The following HDX variants were observed in gnomAD, a reference collection of about 807,000 sequenced individuals.
HDX encodes the protein chromosome X open reading frame 43.
HDX carries 19 observed loss-of-function variants against 45.2 expected under a neutral mutation model. The ratio of observed to expected loss-of-function variants is 0.42; its 90% CI spans 0.29 to 0.62. The LOEUF (loss-of-function observed/expected upper bound fraction) is 0.62. HDX is among the 20% of genes least tolerant of loss of function. The probability of loss-of-function intolerance (pLI) is 0.20; values close to 1 mark genes in which losing one functional copy is unlikely to be tolerated. For missense variants in HDX, 532 were observed against 493.9 expected (o/e 1.08, Z -0.73); for synonymous variants, 188 against 172.8 (o/e 1.09, Z -0.69).
At chrX:84,457,207 A>G (rs766311411) in intron 4 of HDX, among the ~76,000 whole-genome samples, 1 of 111,617 alleles carries the variant, frequency 9.0e-6, no homozygotes, top group Non-Finnish European at 1.9e-5. Context: ...AAAGTATTTA[A>G]TGGAATGCCA....
intron 9 of HDX, among the ~76,000 whole-genome samples, chrX:84,328,742 T>G (rs995109707): frequency 9.0e-6 from 1 of 111,665 alleles, no homozygotes; most frequent in African/African-American, 3.3e-5. Flanking sequence ...GTGGAGCAAT[T>G]AGAAGTCTCA....
intron 2 of HDX, among the ~76,000 whole-genome samples, chrX:84,478,184 G>A (rs1208375901): frequency 8.9e-6 from 1 of 111,759 alleles, no homozygotes; most frequent in Non-Finnish European, 1.9e-5. Flanking sequence ...AGGCTCTTAA[G>A]TTTATATATC....
At chrX:84,422,783 C>T (rs1331115220) in intron 5 of HDX, among the ~76,000 whole-genome samples, 1 of 104,617 alleles carries the variant, frequency 9.6e-6, no homozygotes, top group Non-Finnish European at 1.9e-5. Context: ...ATTCTCCTGC[C>T]TCAGCCTCCC....
intron 4 of HDX, among the ~76,000 whole-genome samples, chrX:84,460,762 G>C (rs1156609935): frequency 8.9e-6 from 1 of 111,813 alleles, no homozygotes; most frequent in Admixed American, 9.5e-5. Context: ...TTCTTTGTTT[G>C]CAGATGATAT....
At chrX:84,489,550 G>A (rs1371384046) in intron 1 of HDX, among the ~76,000 whole-genome samples, 1 of 111,576 alleles carries the variant, frequency 9.0e-6, no homozygotes, top group Non-Finnish European at 1.9e-5. Context: ...ACCAGTGATA[G>A]ACAAAGGGAA....
At chrX:84,484,267 G>T (rs2040746044) in intron 2 of HDX, among the ~76,000 whole-genome samples, 1 of 111,959 alleles carries the variant, frequency 8.9e-6, no homozygotes, top group Admixed American at 9.5e-5. Context: ...CTGCTATAAA[G>T]AATTGCTTGA....
At chrX:84,420,115 C>A (rs761890851) in intron 5 of HDX, among the ~76,000 whole-genome samples, 7 of 111,681 alleles carry the variant, frequency 6.3e-5, no homozygotes, top group Non-Finnish European at 1.3e-4. Context: ...TCTTTCAATA[C>A]CACCCAGGAA....
intron 5 of HDX, among the ~76,000 whole-genome samples, chrX:84,394,008 A>C (rs1364495965): frequency 9.1e-6 from 1 of 110,156 alleles, no homozygotes; most frequent in Non-Finnish European, 1.9e-5. Flanking sequence ...ATTTCATTGA[A>C]TTGTACTCTT....
At chrX:84,371,623 G>A (rs774357728) in intron 5 of HDX, among the ~76,000 whole-genome samples, 2 of 111,792 alleles carry the variant, frequency 1.8e-5, no homozygotes, top group Non-Finnish European at 3.8e-5. Flanking sequence ...AAAGCAGGGT[G>A]TCACAGCCCC....
chrX:84,372,978 A>C (rs2037936226), intron 5 of HDX, among the ~76,000 whole-genome samples: 1 of 112,163 alleles, frequency 8.9e-6, no homozygotes, highest in Non-Finnish European at 1.9e-5. Context: ...TGATAGTGTT[A>C]AGATAATCCA....
At chrX:84,401,215 A>G (rs2038696459) in intron 5 of HDX, among the ~76,000 whole-genome samples, 1 of 112,264 alleles carries the variant, frequency 8.9e-6, no homozygotes, top group Non-Finnish European at 1.9e-5. Context: ...GATCTAATTA[A>G]ACTAAAGAGT....
chrX:84,332,885 G>A (rs2036874603), intron 9 of HDX, among the ~76,000 whole-genome samples: 1 of 111,684 alleles, frequency 9.0e-6, no homozygotes, highest in Non-Finnish European at 1.9e-5. Flanking sequence ...GACATGTTAT[G>A]AATATTTGGA....
chrX:84,398,092 G>A (rs767356016), intron 5 of HDX, among the ~76,000 whole-genome samples: 1 of 109,688 alleles, frequency 9.1e-6, no homozygotes, highest in East Asian at 2.9e-4. Flanking sequence ...TATATAGTAT[G>A]TGTGTATGTA....
intron 6 of HDX, among the ~76,000 whole-genome samples, chrX:84,355,065 T>C (rs1361455979): frequency 9.6e-6 from 1 of 104,307 alleles, no homozygotes; most frequent in Non-Finnish European, 2.0e-5. Flanking sequence ...ATGTGTGTAA[T>C]AGATAATAGG....
At chrX:84,372,820 A>G in intron 5 of HDX, among the ~76,000 whole-genome samples, 1 of 111,658 alleles carries the variant, frequency 9.0e-6, no homozygotes, top group Middle Eastern at 4.6e-3. Flanking sequence ...GATTTACAGT[A>G]GGTGAGAGAC....
At position 84,318,573 on chromosome X, in the gene HDX, AC is replaced by A. The variant is rs1212593207; in HGVS notation, c.*3315del. ...GCTGAATCCGATTCCCACCACCCCCACCAAAAAAGGCAACAAAGTCCATTTT... is the reference window on the plus strand; with the variant it reads ...GCTGAATCCGATTCCCACCACCCCCACAAAAAAGGCAACAAAGTCCATTTT... On this transcript the variant is annotated 3_prime_UTR_variant, in exon 11 of 11. Transcript: ENST00000373177. The A allele has an allele frequency of 9.1e-6, 1 of 110,492 alleles. No homozygotes were observed. Among genetic ancestry groups the A allele is most frequent in the African/African-American group, 3.3e-5 (1 of 30,578 alleles). The allele number at this position is 110,492 out of a possible 1,213,427, so 9.1% of individuals were successfully genotyped here. A position where few individuals can be genotyped will look rare whatever the true frequency, so the allele number is the denominator to read the frequency against.
chrX:84,411,860 A>T (rs896822921), intron 5 of HDX, among the ~76,000 whole-genome samples: 1 of 111,805 alleles, frequency 8.9e-6, no homozygotes, highest in Non-Finnish European at 1.9e-5. Flanking sequence ...TGTTGGGTAC[A>T]TTCACATTTA....
At chrX:84,406,405 G>A (rs2038822025) in intron 5 of HDX, among the ~76,000 whole-genome samples, 1 of 107,201 alleles carries the variant, frequency 9.3e-6, no homozygotes, top group African/African-American at 3.4e-5. Context: ...GTTTAAATAA[G>A]ACAGCAAGGA....
Position 84,356,774 on chromosome X carries a change from C to T in HDX, c.1452+4692G>A, listed in dbSNP as rs768918999. 3.0e-3 allele frequency among the ~76,000 whole-genome samples: 331 copies of T among 109,677 alleles called. 1 individual carries two copies. The highest frequency in any genetic ancestry group is 0.01 in the African/African-American group (316 of 30,106). ...AGTAGCTGGGACTATAGGCGCCCGC[C>T]ACCACGCCTGGCTAATTTTTTGTAT... On this transcript the variant is annotated intron_variant, in intron 6 of 10. Transcript: ENST00000373177.
Sources: allele counts gnomAD v4.1 joint callset (sites outside exome capture counted in the v4.1 genomes callset), GRCh38; gene constraint gnomAD v4.1.1; transcripts MANE v1.5; gene names NCBI Gene and HGNC (gene_info 2026-07-23, HGNC 2026-07-21).